The following CEP350 variants were observed in gnomAD, a reference collection of about 807,000 sequenced individuals.
The protein encoded by CEP350 is centrosomal protein 350.
CEP350 carries 126 observed loss-of-function variants against 331.8 expected under a neutral mutation model. That is an observed-to-expected ratio of 0.38 (90% CI 0.33 to 0.44). The LOEUF (loss-of-function observed/expected upper bound fraction) is 0.44, where lower values mean the gene tolerates loss of function less well. Among genes scored for constraint, CEP350 ranks in the 20% least tolerant of loss-of-function variants. CEP350 has a pLI of 1.00. For synonymous variants in CEP350, 1,200 were observed against 1,259.5 expected (o/e 0.95, Z 1.00); for missense variants, 3,406 against 3,634.6 (o/e 0.94, Z 1.62).
In CEP350 at chr1:180,022,823, GA is replaced by G. The variant is rs1655415456; in HGVS notation, c.3369del (p.Lys1123AsnfsTer10). The part of the protein sequence containing the change: ...VSSPGTGTST[E>X]KKSTLEPHST... ...CTCTCCAGGGACTGGGACTTCGACA[GA>G]AAAAAAATCAACTCTTGAACCTCAG... On this transcript the variant is annotated frameshift_variant, in exon 13 of 38. Coordinates refer to ENST00000367607, the MANE Select transcript of CEP350 (RefSeq NM_014810.5). LOFTEE classifies it high-confidence loss of function. 2.5e-6 allele frequency: 4 copies of G among 1,588,314 alleles called. No homozygotes were observed. The highest frequency in any genetic ancestry group is 1.8e-5 in the Admixed American group (1 of 55,896).
At chr1:180,006,629 T>TTC in intron 8 of CEP350, 62 bp downstream of exon 8, 1 of 868,614 alleles carries the variant, frequency 1.2e-6, no homozygotes, top group Non-Finnish European at 1.9e-6. Flanking sequence ...TCATTATACT[T>TTC]TAAGTTTTGG....
chr1:180,095,802 G>A lies in CEP350; in HGVS notation c.8791G>A (p.Ala2931Thr). The A allele has an allele frequency of 6.2e-7, 1 of 1,613,804 alleles. No individual in the cohort carries two copies. The highest frequency in any genetic ancestry group is 8.5e-7 in the Non-Finnish European group (1 of 1,179,872). ...EEVEILVHNAAEELWKWKELG... is the reference protein window; with the variant it reads ...EEVEILVHNATEELWKWKELG... ...AGTAGAGATTCTTGTACATAATGCA[G>A]CAGAAGAACTTTGGAAATGGAAAGA... Residue 2931 changes from alanine (A) to threonine (T), a missense_variant, in exon 35 of 38, where the codon GCA becomes ACA. Physicochemically the swap from Ala to Thr is moderately conservative, Grantham distance 58. This residue lies in a region of CEP350 where 1,415 missense variants were observed against 1,512.3 expected (regional missense o/e 0.94). Coordinates refer to ENST00000367607, the MANE Select transcript of CEP350 (RefSeq NM_014810.5).
intron 14 of CEP350, among the ~76,000 whole-genome samples, chr1:180,025,125 C>T (rs1003249103): frequency 6.6e-6 from 1 of 152,072 alleles, no homozygotes; most frequent in African/African-American, 2.4e-5. Context: ...GGGGTTTCAC[C>T]ATGTTAGCCA....
intron 27 of CEP350, among the ~76,000 whole-genome samples, chr1:180,068,170 A>G (rs1658658871): frequency 6.6e-6 from 1 of 152,164 alleles, no homozygotes; most frequent in African/African-American, 2.4e-5. Flanking sequence ...TATTTTTCTG[A>G]AGTGATCATA....
chr1:180,014,830 C>G (rs1654870699), intron 10 of CEP350, among the ~76,000 whole-genome samples: 1 of 152,078 alleles, frequency 6.6e-6, no homozygotes, highest in South Asian at 2.1e-4. Context: ...GGTGCCAACC[C>G]CTTTGCAGTT....
rs767149301 is a variant in CEP350, at chr1:180,041,787, A to C, written c.4347A>C (p.Ala1449=). ...CTGCTCGCCTCACCACAGACGCAGC[A>C]CGTCAAATCTGTGAGGTAGGTGCCA... ...SETARLTTDA[A]RQICEMAELT... Residue 1449 remains alanine (A), a synonymous_variant, in exon 19 of 38, where the codon GCA becomes GCC. Transcript: ENST00000367607. The C allele has an allele frequency of 1.9e-5, 31 of 1,612,394 alleles. No homozygotes were observed. The highest frequency in any genetic ancestry group is 2.4e-5 in the Non-Finnish European group (28 of 1,179,214).
intron 3 of CEP350, among the ~76,000 whole-genome samples, chr1:179,988,845 C>A (rs1246112684): frequency 6.6e-6 from 1 of 151,978 alleles, no homozygotes; most frequent in Non-Finnish European, 1.5e-5. Flanking sequence ...GGTGTTATAA[C>A]CTAGATTTGG....
At chr1:179,966,141 A>G (rs910423764) in intron 1 of CEP350, among the ~76,000 whole-genome samples, 1 of 152,208 alleles carries the variant, frequency 6.6e-6, no homozygotes, top group Non-Finnish European at 1.5e-5. Context: ...AAGAGTAGTA[A>G]CGGAGCTGAA....
chr1:179,972,899 C>T (rs1448726716), intron 1 of CEP350, among the ~76,000 whole-genome samples: 2 of 146,618 alleles, frequency 1.4e-5, no homozygotes, highest in African/African-American at 5.1e-5. Flanking sequence ...AACAGAGTCT[C>T]ATTCTGTCGC....
chr1:180,060,102 G>A (rs892936637), intron 25 of CEP350, among the ~76,000 whole-genome samples: 2 of 152,036 alleles, frequency 1.3e-5, no homozygotes, highest in African/African-American at 4.8e-5. Flanking sequence ...CACAATCATT[G>A]TATACTCATT....
chr1:180,041,232 G>A lies in CEP350; in HGVS notation c.4205G>A (p.Arg1402Gln), dbSNP rs148298443. Residue 1402 changes from arginine (R) to glutamine (Q), a missense_variant, in exon 18 of 38, where the codon CGA becomes CAA. Physicochemically the swap from Arg to Gln is conservative, Grantham distance 43 (BLOSUM62 1). Coordinates refer to ENST00000367607, the MANE Select transcript of CEP350 (RefSeq NM_014810.5). ...AGTCAGAGACAATTAGAAGAAACCC[G>A]AAACAAAGCAGCTCAGGTAACTTAT... ...LESQRQLEET[R>Q]NKAAQVHAES... 56 of 1,588,954 alleles carry A rather than the reference G, an allele frequency of 3.5e-5. 1 individual carries two copies. Among genetic ancestry groups the A allele is most frequent in the South Asian group, 2.4e-4 (21 of 86,272 alleles).
chr1:179,970,745 A>G lies in CEP350; in HGVS notation c.-13-15424A>G, dbSNP rs965791131. ...TGAAAACACTGTCAATACATGTGAA[A>G]GAAAAATTTGCTGTTAGAAGATAAT... On this transcript the variant is annotated intron_variant, in intron 1 of 37. Coordinates refer to ENST00000367607, the MANE Select transcript of CEP350 (RefSeq NM_014810.5). 2.0e-5 allele frequency among the ~76,000 whole-genome samples: 3 copies of G among 152,384 alleles called. No individual in the cohort carries two copies. In the South Asian group the frequency reaches 6.2e-4, roughly 32 times the overall value.
At chr1:180,046,078 C>T (rs1657099147) in intron 21 of CEP350, among the ~76,000 whole-genome samples, 1 of 152,212 alleles carries the variant, frequency 6.6e-6, no homozygotes, top group Admixed American at 6.5e-5. Flanking sequence ...TAGCTCTCAC[C>T]TAAGTGTTCT....
intron 1 of CEP350, among the ~76,000 whole-genome samples, chr1:179,974,658 T>C (rs1403220420): frequency 1.3e-5 from 2 of 152,174 alleles, no homozygotes; most frequent in Non-Finnish European, 2.9e-5. Flanking sequence ...ATGTATGATA[T>C]ATGTATGTGT....
intron 27 of CEP350, among the ~76,000 whole-genome samples, chr1:180,066,494 CAA>C (rs1454117049): frequency 1.3e-5 from 2 of 152,120 alleles, no homozygotes; most frequent in Non-Finnish European, 2.9e-5. Context: ...TTGCAACAGT[CAA>C]GAGTTGTAAG....
chr1:180,009,780 A>G lies in CEP350; in HGVS notation c.1247-2149A>G, dbSNP rs951866946. Among the ~76,000 whole-genome samples the G allele has an allele frequency of 8.5e-5, 13 of 152,226 alleles. 1 individual carries two copies. Among genetic ancestry groups the G allele is most frequent in the Admixed American group, 8.5e-4 (13 of 15,284 alleles). The stretch of plus-strand genomic sequence containing the variant: ...ATACGTAAAACCCTTTAAATATTTT[A>G]GGTCAACTGTATAAGGTTAATAACA... On this transcript the variant is annotated intron_variant, in intron 8 of 37. Coordinates refer to ENST00000367607, the MANE Select transcript of CEP350 (RefSeq NM_014810.5).
At chr1:180,034,935 A>C (rs1001696985) in intron 16 of CEP350, among the ~76,000 whole-genome samples, 6 of 152,234 alleles carry the variant, frequency 3.9e-5, no homozygotes, top group Non-Finnish European at 7.3e-5. Flanking sequence ...TTAGTGACGA[A>C]GGGATGTCAA....
At chr1:180,105,714 A>T (rs1661105613) in intron 37 of CEP350, among the ~76,000 whole-genome samples, 2 of 152,120 alleles carry the variant, frequency 1.3e-5, no homozygotes, top group Non-Finnish European at 2.9e-5. Flanking sequence ...ATCCCATTTG[A>T]TTGTGGTGAT....
intron 1 of CEP350, among the ~76,000 whole-genome samples, chr1:179,970,180 T>C (rs1571790666): frequency 6.6e-6 from 1 of 152,208 alleles, no homozygotes; most frequent in Non-Finnish European, 1.5e-5. Flanking sequence ...TTGTGTTCTC[T>C]TTTATCCTTA....
Sources: allele counts gnomAD v4.1 joint callset (sites outside exome capture counted in the v4.1 genomes callset), GRCh38; gene constraint gnomAD v4.1.1; regional missense constraint gnomAD v4.1.1; transcripts MANE v1.5; gene names NCBI Gene and HGNC (gene_info 2026-07-23, HGNC 2026-07-21).